The following NRXN3 variants were observed in gnomAD, a reference collection of about 807,000 sequenced individuals.
NRXN3 encodes the protein neurexin III.
NRXN3 carries 32 observed loss-of-function variants against 137.6 expected under a neutral mutation model. That is an observed-to-expected ratio of 0.23 (90% CI 0.18 to 0.31). NRXN3 has a LOEUF of 0.31. Ranked by LOEUF, NRXN3 falls within the 10% of genes least tolerant of loss-of-function variation. NRXN3 has a pLI of 1.00. For synonymous variants in NRXN3, 798 were observed against 784.5 expected (o/e 1.02, Z -0.29); for missense variants, 1,574 against 2,062.5 (o/e 0.76, Z 4.59).
intron 20 of NRXN3, among the ~76,000 whole-genome samples, chr14:79,859,523 A>G (rs1224839145): frequency 6.6e-6 from 1 of 152,160 alleles, no homozygotes; most frequent in Non-Finnish European, 1.5e-5. Flanking sequence ...TTGTGAATCA[A>G]TCTTCATAGG....
At chr14:78,942,383 A>G (rs1254502523) in intron 10 of NRXN3, among the ~76,000 whole-genome samples, 1 of 152,220 alleles carries the variant, frequency 6.6e-6, no homozygotes, top group Non-Finnish European at 1.5e-5. Context: ...AGCCACAATG[A>G]GTGTTTCAGA....
chr14:79,811,581 C>CTTTTTTTTTTTTTTTTTTTTTTTTCT (rs370942970), intron 20 of NRXN3, among the ~76,000 whole-genome samples: 1 of 116,610 alleles, frequency 8.6e-6, no homozygotes, highest in Non-Finnish European at 1.7e-5. Context: ...TTTCTTTTTT[C>CTTTTTTTTTTTTTTTTTTTTTTTTCT]TTTTTTTTTT....
At chr14:78,559,324 A>G (rs1319178708) in intron 4 of NRXN3, among the ~76,000 whole-genome samples, 1 of 152,178 alleles carries the variant, frequency 6.6e-6, no homozygotes, top group East Asian at 1.9e-4. Flanking sequence ...AACACTGTTT[A>G]TAAGATCTTT....
chr14:78,783,497 T>C (rs2098777337), intron 8 of NRXN3, among the ~76,000 whole-genome samples: 1 of 152,136 alleles, frequency 6.6e-6, no homozygotes, highest in Admixed American at 6.6e-5. Context: ...GGGAAAATAG[T>C]AAAATTTGAA....
At chr14:78,494,590 G>T (rs1330866258) in intron 4 of NRXN3, among the ~76,000 whole-genome samples, 1 of 152,048 alleles carries the variant, frequency 6.6e-6, no homozygotes, top group East Asian at 1.9e-4. Context: ...AGCACTGGAA[G>T]AATATTTGCA....
At chr14:78,751,386 T>C (rs911528327) in intron 8 of NRXN3, among the ~76,000 whole-genome samples, 1 of 152,196 alleles carries the variant, frequency 6.6e-6, no homozygotes, top group African/African-American at 2.4e-5. Flanking sequence ...TGATGTGCAC[T>C]TGGGGATAGA....
At chr14:79,738,586 T>C (rs1324987921) in intron 19 of NRXN3, among the ~76,000 whole-genome samples, 1 of 152,170 alleles carries the variant, frequency 6.6e-6, no homozygotes, top group Admixed American at 6.5e-5. Context: ...GAGACAGAGT[T>C]TCACTCTTGT....
intron 20 of NRXN3, among the ~76,000 whole-genome samples, chr14:79,834,916 T>G (rs1167571018): frequency 6.6e-6 from 1 of 152,136 alleles, no homozygotes; most frequent in East Asian, 1.9e-4. Context: ...AAACCAGATC[T>G]AACTGAAACT....
At chr14:78,983,854 TA>T (rs965751583) in intron 14 of NRXN3, among the ~76,000 whole-genome samples, 5,743 of 105,850 alleles carry the variant, frequency 0.054, 250 homozygotes, top group African/African-American at 0.15. Flanking sequence ...AGATTCCATT[TA>T]AAAAAAAAAA....
chr14:79,226,107 C>T (rs1427197487), intron 15 of NRXN3, among the ~76,000 whole-genome samples: 1 of 152,100 alleles, frequency 6.6e-6, no homozygotes, highest in Non-Finnish European at 1.5e-5. Context: ...ATGTGGACGT[C>T]TTTCAGGAGC....
In NRXN3 at chr14:78,869,903, T is replaced by C. The variant is rs146685664; in HGVS notation, c.2275+59559T>C. On this transcript the variant is annotated intron_variant, in intron 10 of 20. Transcript: ENST00000335750. ...GAGAGAGAATGGGCTCAACTCTGTA[T>C]ATAGCATGAACAAGTGAGAATTTTT... 1.4e-4 allele frequency among the ~76,000 whole-genome samples: 21 copies of C among 152,304 alleles called. No individual in the cohort carries two copies. In the East Asian group the frequency reaches 4.1e-3, roughly 29 times the overall value.
intron 16 of NRXN3, among the ~76,000 whole-genome samples, chr14:79,608,383 A>G (rs2098050830): frequency 6.6e-6 from 1 of 152,166 alleles, no homozygotes; most frequent in Admixed American, 6.5e-5. Flanking sequence ...GAAATAGTGG[A>G]GGGAGAAAGG....
chr14:79,846,784 T>A (rs1364836823), intron 20 of NRXN3, among the ~76,000 whole-genome samples: 1 of 152,180 alleles, frequency 6.6e-6, no homozygotes, highest in East Asian at 1.9e-4. Context: ...AAAGGGATAG[T>A]GTCTTCTTGC....
chr14:79,478,322 A>G (rs2096577885), intron 16 of NRXN3, among the ~76,000 whole-genome samples: 1 of 151,994 alleles, frequency 6.6e-6, no homozygotes, highest in African/African-American at 2.4e-5. Flanking sequence ...ACAGAAATCA[A>G]AACAAATGAG....
chr14:78,913,276 T>C (rs1468144163), intron 10 of NRXN3, among the ~76,000 whole-genome samples: 1 of 116,884 alleles, frequency 8.6e-6, no homozygotes, highest in African/African-American at 3.8e-5. Context: ...CTTTCTTTCT[T>C]TTTTTTTTTT....
intron 4 of NRXN3, among the ~76,000 whole-genome samples, chr14:78,353,978 A>C (rs1275148018): frequency 2.6e-5 from 4 of 152,162 alleles, no homozygotes; most frequent in African/African-American, 9.7e-5. Context: ...ATTTTTTCTC[A>C]GTGACCTGCA....
chr14:78,487,467 G>A (rs1400551968), intron 4 of NRXN3, among the ~76,000 whole-genome samples: 1 of 152,168 alleles, frequency 6.6e-6, no homozygotes, highest in African/African-American at 2.4e-5. Flanking sequence ...TCCTGCCCAG[G>A]AGCAGTGGCT....
At chr14:79,084,080 A>G (rs1300487074) in intron 15 of NRXN3, among the ~76,000 whole-genome samples, 1 of 151,026 alleles carries the variant, frequency 6.6e-6, no homozygotes, top group African/African-American at 2.5e-5. Context: ...TGGTTAATTT[A>G]TTTATTTTTT....
At chr14:78,198,181 TCTC>T (rs2061390559) in intron 1 of NRXN3, among the ~76,000 whole-genome samples, 2 of 152,156 alleles carry the variant, frequency 1.3e-5, no homozygotes, top group African/African-American at 4.8e-5. Flanking sequence ...CTTTTTCTGT[TCTC>T]CTCCCTGCTC....
Sources: allele counts gnomAD v4.1 joint callset (sites outside exome capture counted in the v4.1 genomes callset), GRCh38; gene constraint gnomAD v4.1.1; transcripts MANE v1.5; gene names NCBI Gene and HGNC (gene_info 2026-07-23, HGNC 2026-07-21).